Variants in GRIA4 observed in about 807,000 individuals in gnomAD.
GRIA4 encodes the protein glutamate receptor 4.
GRIA4 carries 34 observed loss-of-function variants against 104.0 expected under a neutral mutation model. The ratio of observed to expected loss-of-function variants is 0.33; its 90% CI spans 0.25 to 0.44. GRIA4 has a LOEUF of 0.44. GRIA4 is among the 20% of genes least tolerant of loss of function. The pLI, the probability that GRIA4 is intolerant of heterozygous loss-of-function variation, is 1.00. For missense variants in GRIA4, 750 were observed against 1,096.5 expected, an observed-to-expected ratio of 0.68 and a Z score of 4.46; for synonymous variants, 386 against 381.9, an observed-to-expected ratio of 1.01 and a Z score of -0.13.
chr11:105,611,356 G>A (rs1283271846), intron 2 of GRIA4, among the ~76,000 whole-genome samples: 3 of 151,942 alleles, frequency 2.0e-5, no homozygotes, highest in Admixed American at 2.0e-4. Context: ...ATTGAAATAA[G>A]TTGGGGGAAA....
intron 3 of GRIA4, among the ~76,000 whole-genome samples, chr11:105,655,205 T>C (rs1591511110): frequency 6.6e-6 from 1 of 152,174 alleles, no homozygotes; most frequent in Non-Finnish European, 1.5e-5. Context: ...TACACATGAT[T>C]ATTAGTGTGA....
chr11:105,809,690 T>G (rs1943096988), intron 4 of GRIA4, among the ~76,000 whole-genome samples: 1 of 152,254 alleles, frequency 6.6e-6, no homozygotes, highest in South Asian at 2.1e-4. Flanking sequence ...CTTTGCCTTC[T>G]GTCATGATTT....
chr11:105,796,050 T>C (rs890695357), intron 4 of GRIA4, among the ~76,000 whole-genome samples: 2 of 152,158 alleles, frequency 1.3e-5, no homozygotes, highest in Non-Finnish European at 1.5e-5. Context: ...AGTTTTGACG[T>C]AGTGACTTCT....
intron 3 of GRIA4, among the ~76,000 whole-genome samples, chr11:105,659,748 T>C (rs1311563501): frequency 6.6e-6 from 1 of 151,918 alleles, no homozygotes; most frequent in South Asian, 2.1e-4. Context: ...AATTCTAAAA[T>C]ATAAACAAAT....
At chr11:105,640,876 C>A (rs1175384119) in intron 3 of GRIA4, among the ~76,000 whole-genome samples, 1 of 151,896 alleles carries the variant, frequency 6.6e-6, no homozygotes, top group Non-Finnish European at 1.5e-5. Flanking sequence ...TCTCAATATT[C>A]CATTTCCTTT....
intron 3 of GRIA4, among the ~76,000 whole-genome samples, chr11:105,685,178 G>A (rs1952838517): frequency 7.1e-6 from 1 of 141,280 alleles, no homozygotes; most frequent in Middle Eastern, 3.6e-3. Context: ...AGGGAGGGAG[G>A]GAGAGAGGGA....
intron 5 of GRIA4, among the ~76,000 whole-genome samples, chr11:105,881,933 C>T (rs1406395695): frequency 3.3e-5 from 5 of 152,168 alleles, no homozygotes; most frequent in Non-Finnish European, 7.3e-5. Context: ...CTGCTGTTAT[C>T]TTACAAGGTT....
chr11:105,957,044 T>A (rs913530415), intron 14 of GRIA4, among the ~76,000 whole-genome samples: 2 of 152,220 alleles, frequency 1.3e-5, no homozygotes, highest in African/African-American at 4.8e-5. Context: ...AAAAATTTTC[T>A]CCCATTCTGT....
At chr11:105,775,495 AG>A (rs1282636456) in intron 4 of GRIA4, among the ~76,000 whole-genome samples, 1 of 152,170 alleles carries the variant, frequency 6.6e-6, no homozygotes, top group Non-Finnish European at 1.5e-5. Flanking sequence ...AAAAATTTAA[AG>A]ACAAAAATAG....
chr11:105,714,460 T>C (rs1954022484), intron 3 of GRIA4, among the ~76,000 whole-genome samples: 1 of 152,148 alleles, frequency 6.6e-6, no homozygotes, highest in Non-Finnish European at 1.5e-5. Context: ...TAAAATGATA[T>C]ATCCATTCTG....
At chr11:105,916,630 T>C (rs1381509687) in intron 10 of GRIA4, among the ~76,000 whole-genome samples, 1 of 152,230 alleles carries the variant, frequency 6.6e-6, no homozygotes, top group Non-Finnish European at 1.5e-5. Flanking sequence ...TTTATTGAAG[T>C]AAATTGTTCA....
At chr11:105,707,326 G>C (rs965093916) in intron 3 of GRIA4, 12 of 152,414 alleles carry the variant, frequency 7.9e-5, no homozygotes, top group African/African-American at 2.7e-4. Flanking sequence ...AAGGCAACAA[G>C]TCTTAAATTG....
At chr11:105,814,003 T>C (rs1195454875) in intron 4 of GRIA4, among the ~76,000 whole-genome samples, 2 of 151,886 alleles carry the variant, frequency 1.3e-5, no homozygotes, top group Non-Finnish European at 2.9e-5. Context: ...AGAACAACAA[T>C]AGCAACAACA....
At chr11:105,872,328 G>T (rs1295839236) in intron 5 of GRIA4, among the ~76,000 whole-genome samples, 2 of 152,018 alleles carry the variant, frequency 1.3e-5, no homozygotes, top group East Asian at 1.9e-4. Context: ...ATAAAGAAAA[G>T]ATATATAACA....
At chr11:105,853,555 G>A (rs573720071) in intron 4 of GRIA4, among the ~76,000 whole-genome samples, 1 of 152,208 alleles carries the variant, frequency 6.6e-6, no homozygotes, top group Non-Finnish European at 1.5e-5. Context: ...AGCTCATTCC[G>A]ATGTCAGTAA....
chr11:105,860,641 A>G (rs1201178778), intron 4 of GRIA4, among the ~76,000 whole-genome samples: 1 of 152,046 alleles, frequency 6.6e-6, no homozygotes, highest in Non-Finnish European at 1.5e-5. Flanking sequence ...TCTTTTTTTT[A>G]TTCTTCTCTC....
chr11:105,858,547 C>T (rs575396754), intron 4 of GRIA4, among the ~76,000 whole-genome samples: 1 of 152,144 alleles, frequency 6.6e-6, no homozygotes, highest in South Asian at 2.1e-4. Flanking sequence ...TTAAAATGTA[C>T]AATAAATTAT....
At chr11:105,956,743 A>G (rs1948600916) in intron 14 of GRIA4, among the ~76,000 whole-genome samples, 1 of 152,110 alleles carries the variant, frequency 6.6e-6, no homozygotes, top group African/African-American at 2.4e-5. Context: ...AAGTGTTCCT[A>G]TTTCTCCACA....
chr11:105,846,228 T>A (rs1944589267), intron 4 of GRIA4, among the ~76,000 whole-genome samples: 1 of 152,182 alleles, frequency 6.6e-6, no homozygotes, highest in African/African-American at 2.4e-5. Context: ...ATTAGAAAAC[T>A]AGTATTTGGA....
Sources: allele counts gnomAD v4.1 joint callset (sites outside exome capture counted in the v4.1 genomes callset), GRCh38; gene constraint gnomAD v4.1.1; transcripts MANE v1.5; gene names NCBI Gene and HGNC (gene_info 2026-07-23, HGNC 2026-07-21).